The following ZHX3 variants were observed in gnomAD, a reference collection of about 807,000 sequenced individuals.
ZHX3 encodes zinc fingers and homeoboxes 3.
In ZHX3, 20 loss-of-function variants were observed where a neutral mutation model predicts 64.5. The observed-to-expected ratio is 0.31, with a 90% CI of 0.22 to 0.45. ZHX3 has a LOEUF of 0.45. ZHX3 is among the 20% of genes least tolerant of loss of function. The pLI, the probability that ZHX3 is intolerant of heterozygous loss-of-function variation, is 1.00. For missense variants in ZHX3, 1,041 were observed against 1,195.8 expected (o/e 0.87, Z 1.91); for synonymous variants, 423 against 461.6 (o/e 0.92, Z 1.07).
rs750891245 is a variant in ZHX3 at position 41,202,261 on chromosome 20, T to A, written c.2656A>T (p.Lys886Ter). 1 of 1,614,130 alleles carries A rather than the reference T, an allele frequency of 6.2e-7. No individual in the cohort carries two copies. Residue 886 changes from lysine to a stop codon, truncating the protein, a stop_gained, in exon 3 of 4, where the codon AAA becomes TAA. Transcript: ENST00000683867. LOFTEE classifies it high-confidence loss of function. This position sits in a 1 kb window ranked among gnomAD's most constrained non-coding sequence, Gnocchi z 7.0. Reference sequence around the variant, plus strand: ...ACGGCTCTGGTCTCCTCCCCCATTTTCTCAGCAAACCACTGCTTGACCTGC... The same window carrying A: ...ACGGCTCTGGTCTCCTCCCCCATTTACTCAGCAAACCACTGCTTGACCTGC... ...SQQVKQWFAE[K>*]MGEETRAVAD... is the part of the protein sequence containing the mutation.
chr20:41,299,450 G>C (rs140623071), intron 1 of ZHX3, among the ~76,000 whole-genome samples: 250 of 152,252 alleles, frequency 1.6e-3, no homozygotes, highest in African/African-American at 5.8e-3. Flanking sequence ...CACAGCCACT[G>C]AGAAGAAAGT....
intron 2 of ZHX3, among the ~76,000 whole-genome samples, chr20:41,265,132 C>T (rs1025219468): frequency 3.3e-5 from 5 of 151,418 alleles, no homozygotes; most frequent in Non-Finnish European, 7.4e-5. Context: ...GTTATATATA[C>T]TTTTTAAAAA....
rs189092859 is a variant in ZHX3, at chr20:41,199,829, T to C, written c.2860+2228A>G. On this transcript the variant is annotated intron_variant, in intron 3 of 3. Transcript: ENST00000683867. ...GATTCTCCTGCCTCAGCCTCCCAAA[T>C]AGCTGGGATTACAGGCACTCACCAA... Among the ~76,000 whole-genome samples, 9 of 151,804 alleles carry C rather than the reference T, an allele frequency of 5.9e-5. No homozygotes were observed. The East Asian group carries it at 1.6e-3, about 26-fold the overall frequency.
intron 1 of ZHX3, among the ~76,000 whole-genome samples, chr20:41,306,887 G>C (rs2044996018): frequency 6.6e-6 from 1 of 152,194 alleles, no homozygotes; most frequent in Non-Finnish European, 1.5e-5. Context: ...GGGTCAAGTG[G>C]AAGAGCCTTA....
intron 2 of ZHX3, among the ~76,000 whole-genome samples, chr20:41,233,384 C>A (rs2040756260): frequency 6.6e-6 from 1 of 152,208 alleles, no homozygotes; most frequent in Non-Finnish European, 1.5e-5. Flanking sequence ...GCAAAACCTT[C>A]CTAATATCCT....
Position 41,203,173 on chromosome 20 carries a change from C to T in ZHX3, c.1744G>A (p.Val582Ile). Residue 582 changes from valine (V) to isoleucine (I), a missense_variant, in exon 3 of 4, where the codon GTC (valine) becomes ATC (isoleucine). Around this residue, in one of 4 missense-constraint regions of ZHX3, gnomAD observed 649 missense variants for 739.8 expected, o/e 0.88. Coordinates refer to ENST00000683867, the MANE Select transcript of ZHX3 (RefSeq NM_001384317.1). The surrounding 1 kb of genome is among the most constrained non-coding windows in gnomAD (Gnocchi z 7.1). ...PEVSFSPSSK[V>I]PEVTCIPTTA... ...GTCGGAATGCAGGTTACCTCAGGGA[C>T]CTTGGACGATGGGGAGAAGGACACC... is the stretch of plus-strand genomic sequence containing the variant. The T allele has an allele frequency of 6.2e-7, 1 of 1,614,072 alleles. No individual in the cohort carries two copies. The highest frequency in any genetic ancestry group is 8.5e-7 in the Non-Finnish European group (1 of 1,180,022).
At position 41,218,184 on chromosome 20, in the gene ZHX3, C is replaced by T. The variant is rs559859766; in HGVS notation, c.-150-13118G>A. On this transcript the variant is annotated intron_variant, in intron 2 of 3. Transcript: ENST00000683867. ...AAGAGGCTGGACCAGTGGCTCATAC[C>T]TGCAATCCCAGCACTTTGGGAGGCC... 4.0e-5 allele frequency among the ~76,000 whole-genome samples: 6 copies of T among 150,934 alleles called. No homozygotes were observed. In the East Asian group the frequency reaches 1.2e-3, roughly 30 times the overall value.
intron 1 of ZHX3, among the ~76,000 whole-genome samples, chr20:41,282,219 C>T (rs577214974): frequency 6.7e-4 from 102 of 152,180 alleles, no homozygotes; most frequent in Non-Finnish European, 1.2e-3. Context: ...ATTCTAGATC[C>T]TGTGGTATGC....
rs6072307 is a variant in ZHX3 at position 41,204,962 on chromosome 20, G to A, written c.-46C>T. The A allele has an allele frequency of 1.0e-5, 15 of 1,493,566 alleles. No homozygotes were observed. Among genetic ancestry groups the A allele is most frequent in the African/African-American group, 1.4e-5 (1 of 71,260 alleles). The allele number at this position is 1,493,566 out of a possible 1,614,324, so 92.5% of individuals were successfully genotyped here. On this transcript the variant is annotated 5_prime_UTR_variant, in exon 3 of 4. Coordinates refer to ENST00000683867, the MANE Select transcript of ZHX3 (RefSeq NM_001384317.1). The surrounding 1 kb of genome is among the most constrained non-coding windows in gnomAD (Gnocchi z 6.6). ...CAGCAGTTGAGAGCTTGTCCCATAA[G>A]GGGCCTAACAATACAAGTTCCAGCT...
chr20:41,257,612 CTTTTTT>C (rs1223401714), intron 2 of ZHX3, among the ~76,000 whole-genome samples: 1 of 137,824 alleles, frequency 7.3e-6, no homozygotes, highest in East Asian at 2.1e-4. Flanking sequence ...TCTTTTCTTT[CTTTTTT>C]TTTTTTTTTT....
chr20:41,314,200 A>G (rs1470226049), intron 1 of ZHX3, among the ~76,000 whole-genome samples: 1 of 152,210 alleles, frequency 6.6e-6, no homozygotes, highest in Non-Finnish European at 1.5e-5. Flanking sequence ...TTAAAATGCA[A>G]TTATACATTT....
At position 41,228,880 on chromosome 20, in the gene ZHX3, G is replaced by A. The variant is rs1046490505; in HGVS notation, c.-150-23814C>T. On this transcript the variant is annotated intron_variant, in intron 2 of 3. Transcript: ENST00000683867. The surrounding 1 kb of genome is among the most constrained non-coding windows in gnomAD (Gnocchi z 4.6). ...GCACTTAACATCTTTTCTTGGTAGA[G>A]GGACTTTTAGAAATTGTGGTAAAAT... 2.0e-5 allele frequency among the ~76,000 whole-genome samples: 3 copies of A among 152,080 alleles called. No homozygotes were observed. The highest frequency in any genetic ancestry group is 4.4e-5 in the Non-Finnish European group (3 of 68,014).
intron 3 of ZHX3, among the ~76,000 whole-genome samples, chr20:41,192,347 G>T (rs2037097048): frequency 1.3e-5 from 2 of 152,216 alleles, no homozygotes; most frequent in South Asian, 4.1e-4. Context: ...CTCATCTTCA[G>T]GCTCCCTATG....
intron 1 of ZHX3, among the ~76,000 whole-genome samples, chr20:41,313,777 T>C (rs1163430421): frequency 6.6e-6 from 1 of 152,160 alleles, no homozygotes; most frequent in Non-Finnish European, 1.5e-5. Context: ...TTTGTATTTT[T>C]AGTAGAGACG....
At chr20:41,227,043 G>C (rs992499285) in intron 2 of ZHX3, among the ~76,000 whole-genome samples, 2 of 152,154 alleles carry the variant, frequency 1.3e-5, no homozygotes, top group Admixed American at 6.5e-5. Context: ...TATTCACTGG[G>C]TTGATCAGCC....
Position 41,202,114 on chromosome 20 carries a change from G to A in ZHX3, c.2803C>T (p.Pro935Ser), listed in dbSNP as rs764199211. 25 of 1,613,622 alleles carry A rather than the reference G, an allele frequency of 1.5e-5. No homozygotes were observed. Among genetic ancestry groups the A allele is most frequent in the Non-Finnish European group, 2.1e-5 (25 of 1,179,894 alleles). Residue 935 changes from proline to serine, a missense_variant, in exon 3 of 4, where the codon CCT becomes TCT. Pro to Ser is a moderately conservative substitution (Grantham distance 74). This residue lies in a region of ZHX3 where 649 missense variants were observed against 739.8 expected (regional missense o/e 0.88). Transcript: ENST00000683867. The surrounding 1 kb of genome is among the most constrained non-coding windows in gnomAD (Gnocchi z 7.0). Reference protein sequence around the residue: ...ENSESWEPRVPEASSEPFDTS... With the variant: ...ENSESWEPRVSEASSEPFDTS... ...TCAAAGGGCTCTGAGCTGGCCTCAG[G>A]GACACGGGGCTCCCACGACTCACTG...
At chr20:41,207,185 A>G (rs570580300) in intron 2 of ZHX3, among the ~76,000 whole-genome samples, 1 of 152,350 alleles carries the variant, frequency 6.6e-6, no homozygotes, top group East Asian at 1.9e-4. Flanking sequence ...GGTACCAGCC[A>G]CTGCAAAAAA....
At chr20:41,315,886 TTTTC>T (rs1331375833) in intron 1 of ZHX3, among the ~76,000 whole-genome samples, 4 of 152,068 alleles carry the variant, frequency 2.6e-5, no homozygotes, top group Non-Finnish European at 4.4e-5. Flanking sequence ...TTTGCAATGC[TTTTC>T]TTTGTTTTTC....
intron 1 of ZHX3, among the ~76,000 whole-genome samples, chr20:41,315,426 C>T (rs2045262261): frequency 1.4e-5 from 2 of 148,044 alleles, no homozygotes; most frequent in Admixed American, 1.4e-4. Context: ...AACTCCTGAC[C>T]TCGTGATCCG....
Sources: allele counts gnomAD v4.1 joint callset (sites outside exome capture counted in the v4.1 genomes callset), GRCh38; gene constraint gnomAD v4.1.1; regional missense constraint gnomAD v4.1.1; non-coding constraint Gnocchi (gnomAD v3.1); transcripts MANE v1.5; gene names NCBI Gene and HGNC (gene_info 2026-07-23, HGNC 2026-07-21).